ADGRL3: variants seen among roughly 807,000 people sequenced by gnomAD.
The protein encoded by ADGRL3 is calcium-independent alpha-latrotoxin receptor 3.
ADGRL3 carries 62 observed loss-of-function variants against 153.5 expected under a neutral mutation model. The ratio of observed to expected loss-of-function variants is 0.40; its 90% confidence interval spans 0.33 to 0.50. The LOEUF is 0.50. ADGRL3 is among the 20% of genes least tolerant of loss of function. ADGRL3 has a pLI of 0.47. For synonymous variants in ADGRL3, 710 were observed against 672.5 expected (o/e 1.06, Z -0.86); for missense variants, 1,641 against 1,859.4 (o/e 0.88, Z 2.16).
chr4:61,937,376 A>G (rs1245251324), intron 15 of ADGRL3, among the ~76,000 whole-genome samples: 3 of 148,868 alleles, frequency 2.0e-5, no homozygotes, highest in Non-Finnish European at 4.4e-5. Context: ...CACACCAAGC[A>G]TGTTCCTGCA....
rs1007913438 is a variant in ADGRL3, at chr4:61,928,276, T to C, written c.2113-6564T>C. ...GCTGCCTAATACCAATTTGCTTTTT[T>C]TATTTTACCATCATCAACTTGCTCA... On this transcript the variant is annotated intron_variant, in intron 13 of 26. Transcript: ENST00000683033. Among the ~76,000 whole-genome samples, 8 of 152,254 alleles carry C rather than the reference T, an allele frequency of 5.3e-5. No homozygotes were observed. In the South Asian group the frequency reaches 1.7e-3, roughly 32 times the overall value.
At chr4:61,259,652 T>C (rs1463241267) in intron 1 of ADGRL3, among the ~76,000 whole-genome samples, 4 of 152,074 alleles carry the variant, frequency 2.6e-5, no homozygotes, top group Non-Finnish European at 5.9e-5. Context: ...CTGAAATCAC[T>C]AGGAAATGTC....
intron 6 of ADGRL3, among the ~76,000 whole-genome samples, chr4:61,681,605 C>G (rs963632603): frequency 2.6e-5 from 4 of 151,790 alleles, no homozygotes; most frequent in African/African-American, 7.3e-5. Context: ...TATGAACAGG[C>G]AAGAAAAATG....
intron 6 of ADGRL3, among the ~76,000 whole-genome samples, chr4:61,682,076 T>G (rs964881415): frequency 6.6e-6 from 1 of 152,056 alleles, no homozygotes; most frequent in African/African-American, 2.4e-5. Context: ...ACCTTATTAA[T>G]TCAAAAGAAA....
chr4:61,387,592 A>G (rs1268518140), intron 2 of ADGRL3, among the ~76,000 whole-genome samples: 1 of 151,816 alleles, frequency 6.6e-6, no homozygotes, highest in East Asian at 1.9e-4. Flanking sequence ...ATTCAGCGAT[A>G]TTTCTCCCAT....
At chr4:61,535,309 T>G (rs2098648866) in intron 4 of ADGRL3, among the ~76,000 whole-genome samples, 1 of 152,006 alleles carries the variant, frequency 6.6e-6, no homozygotes, top group Admixed American at 6.6e-5. Flanking sequence ...CGTGATGGAT[T>G]ATTTTTGGAT....
At chr4:62,069,368 G>A (rs1744665767) in intron 26 of ADGRL3, among the ~76,000 whole-genome samples, 1 of 151,604 alleles carries the variant, frequency 6.6e-6, no homozygotes, top group African/African-American at 2.4e-5. Context: ...CTGATGGGAT[G>A]GTATATAATA....
intron 1 of ADGRL3, among the ~76,000 whole-genome samples, chr4:61,382,237 G>A (rs913415894): frequency 6.6e-5 from 10 of 151,178 alleles, no homozygotes; most frequent in Admixed American, 2.0e-4. Flanking sequence ...AACACTAATA[G>A]CATAAATAAA....
At chr4:61,223,261 G>T (rs868061442) in intron 1 of ADGRL3, among the ~76,000 whole-genome samples, 1 of 152,208 alleles carries the variant, frequency 6.6e-6, no homozygotes, top group African/African-American at 2.4e-5. Context: ...GAGTGCCAAA[G>T]AAAAGGGTGA....
At chr4:61,438,050 C>T (rs1053467875) in intron 2 of ADGRL3, among the ~76,000 whole-genome samples, 1 of 152,102 alleles carries the variant, frequency 6.6e-6, no homozygotes, top group East Asian at 1.9e-4. Flanking sequence ...TTCCTGGCTT[C>T]CTGGAAAACT....
intron 4 of ADGRL3, among the ~76,000 whole-genome samples, chr4:61,558,173 CATATATATAT>C (rs33947698): frequency 1.5e-5 from 2 of 129,040 alleles, no homozygotes; most frequent in African/African-American, 3.0e-5. Flanking sequence ...ATGTAGGAAT[CATATATATAT>C]ATATATATAT....
intron 14 of ADGRL3, among the ~76,000 whole-genome samples, chr4:61,935,298 G>A (rs942305500): frequency 6.6e-6 from 1 of 152,036 alleles, no homozygotes; most frequent in African/African-American, 2.4e-5. Context: ...TTTTTTAAAG[G>A]ACTTTTATGT....
At chr4:61,550,855 G>A (rs547416265) in intron 4 of ADGRL3, among the ~76,000 whole-genome samples, 11 of 152,106 alleles carry the variant, frequency 7.2e-5, no homozygotes, top group African/African-American at 2.6e-4. Flanking sequence ...TAGGTCATTA[G>A]TCTAGGGAGC....
At position 61,746,014 on chromosome 4, in the gene ADGRL3, T is replaced by G. The variant is rs181748781; in HGVS notation, c.1399+12460T>G. ...CTCAAAATAAAAGGATGGAGGAAGA[T>G]CTACCAAACAAATGGAAAACAAAAA... On this transcript the variant is annotated intron_variant, in intron 8 of 26. Transcript: ENST00000683033. Among the ~76,000 whole-genome samples the G allele has an allele frequency of 2.9e-3, 434 of 152,194 alleles. 3 individuals are homozygous for G. Among genetic ancestry groups the G allele is most frequent in the African/African-American group, 1.0e-2 (415 of 41,514 alleles).
Position 61,200,424 on chromosome 4 carries a change from C to T in ADGRL3, c.-1581C>T, listed in dbSNP as rs1187033978. On this transcript the variant is annotated 5_prime_UTR_variant, in exon 1 of 27. Transcript: ENST00000683033. ...CTGACCCGCTGTCTGCGCGTCGCCC[C>T]CCTCGCCTGCTGGCCCGGCACCGCT... Among the ~76,000 whole-genome samples the T allele has an allele frequency of 2.0e-5, 3 of 151,892 alleles. No homozygotes were observed. The highest frequency in any genetic ancestry group is 7.2e-5 in the African/African-American group (3 of 41,390).
chr4:61,621,148 A>C (rs2092482674), intron 5 of ADGRL3, among the ~76,000 whole-genome samples: 1 of 151,996 alleles, frequency 6.6e-6, no homozygotes, highest in Admixed American at 6.5e-5. Flanking sequence ...GCTTTATTTA[A>C]CTTTGATTAG....
intron 21 of ADGRL3, among the ~76,000 whole-genome samples, chr4:62,006,001 C>T (rs13146140): frequency 0.014 from 907 of 64,242 alleles, 3 homozygotes; most frequent in African/African-American, 0.025. Flanking sequence ...CACACACACA[C>T]ACATATATAT....
chr4:62,004,254 T>A (rs1029927194), intron 21 of ADGRL3, among the ~76,000 whole-genome samples: 1 of 152,022 alleles, frequency 6.6e-6, no homozygotes, highest in African/African-American at 2.4e-5. Context: ...TGCATCTTAA[T>A]GTTAATAATA....
In ADGRL3 at chr4:61,807,861, T is replaced by C. The variant is rs146898135; in HGVS notation, c.1400-5948T>C. On this transcript the variant is annotated intron_variant, in intron 8 of 26. Transcript: ENST00000683033. ...AATAATATAGCCCCAAATTGATTGT[T>C]AAAGCTGAGTGATAAGCGTGTACTT... is the stretch of plus-strand genomic sequence containing the variant. Among the ~76,000 whole-genome samples, 1,112 of 152,286 alleles carry C rather than the reference T, an allele frequency of 7.3e-3. 13 individuals carry two copies. Among genetic ancestry groups the C allele is most frequent in the African/African-American group, 0.025 (1,049 of 41,560 alleles).
Sources: gnomAD v4.1 joint callset for allele counts (sites outside exome capture counted in the v4.1 genomes callset) on GRCh38, gnomAD v4.1.1 for gene constraint, MANE v1.5 for transcripts, NCBI Gene and HGNC (gene_info 2026-07-23, HGNC 2026-07-21) for gene names.